SLX4IP: variants seen among roughly 807,000 people sequenced by gnomAD.
SLX4IP encodes the protein protein SLX4IP.
In SLX4IP, 34 loss-of-function variants were observed where a neutral mutation model predicts 32.9. The ratio of observed to expected loss-of-function variants is 1.03; its 90% CI spans 0.79 to 1.38. The LOEUF (loss-of-function observed/expected upper bound fraction) is 1.38, where lower values mean the gene tolerates loss of function less well. SLX4IP is among the 40% of genes most tolerant of loss of function. The probability of loss-of-function intolerance (pLI) is 0.00; values close to 1 mark genes in which losing one functional copy is unlikely to be tolerated. For missense variants in SLX4IP, 444 were observed against 479.0 expected (o/e 0.93, Z 0.68); for synonymous variants, 172 against 171.7 (o/e 1.00, Z -0.01).
At chr20:10,528,456 A>G (rs2065957791) in intron 2 of SLX4IP, among the ~76,000 whole-genome samples, 1 of 152,168 alleles carries the variant, frequency 6.6e-6, no homozygotes, top group Admixed American at 6.5e-5. Context: ...GATACTCATG[A>G]GTAATAACAA....
At chr20:10,551,498 C>T (rs1336892636) in intron 2 of SLX4IP, among the ~76,000 whole-genome samples, 2 of 152,054 alleles carry the variant, frequency 1.3e-5, no homozygotes, top group Non-Finnish European at 2.9e-5. Context: ...CATTTGTCTT[C>T]CTTTCATTAA....
chr20:10,591,438 G>A (rs979615613), intron 4 of SLX4IP, among the ~76,000 whole-genome samples: 11 of 152,160 alleles, frequency 7.2e-5, no homozygotes, highest in African/African-American at 2.7e-4. Flanking sequence ...AGACAGGGAG[G>A]CCACAGAGGA....
intron 1 of SLX4IP, among the ~76,000 whole-genome samples, chr20:10,453,808 C>G (rs2065263446): frequency 1.3e-5 from 2 of 152,034 alleles, no homozygotes; most frequent in African/African-American, 4.8e-5. Context: ...GGGTCAGTCT[C>G]CATACTAATT....
chr20:10,550,434 C>A (rs1368870269), intron 2 of SLX4IP, among the ~76,000 whole-genome samples: 1 of 152,168 alleles, frequency 6.6e-6, no homozygotes, highest in East Asian at 1.9e-4. Context: ...TCCTCTCCCT[C>A]ACACCCAACC....
At position 10,627,423 on chromosome 20, in the gene SLX4IP, T is replaced by C. The variant is rs1308166924; in HGVS notation, c.*4044T>C. The C allele has an allele frequency of 6.6e-6, 1 of 152,246 alleles. No individual in the cohort carries two copies. Among genetic ancestry groups the C allele is most frequent in the African/African-American group, 2.4e-5 (1 of 41,472 alleles). 9.4% of individuals were successfully genotyped at this position (152,246 alleles called of 1,614,324 possible). ...ATTAAGCATTGTAAAACGAAGTTAA[T>C]TCAGGTAATTACTCAGTACAGAAAT... On this transcript the variant is annotated 3_prime_UTR_variant, in exon 8 of 8. Transcript: ENST00000334534.
At chr20:10,621,612 A>C (rs1015746225) in intron 7 of SLX4IP, among the ~76,000 whole-genome samples, 198 bp downstream of exon 7, 1 of 152,156 alleles carries the variant, frequency 6.6e-6, no homozygotes, top group Non-Finnish European at 1.5e-5. Flanking sequence ...GGTGTGTTGC[A>C]AGGAGTAATT....
chr20:10,564,248 T>A (rs2066364776), intron 4 of SLX4IP, among the ~76,000 whole-genome samples: 1 of 152,236 alleles, frequency 6.6e-6, no homozygotes, highest in Non-Finnish European at 1.5e-5. Flanking sequence ...TCTAACTGCC[T>A]GTTTTCAGCT....
chr20:10,531,596 C>T (rs1418123968), intron 2 of SLX4IP, among the ~76,000 whole-genome samples: 2 of 152,194 alleles, frequency 1.3e-5, no homozygotes, highest in East Asian at 1.9e-4. Flanking sequence ...ATGGAGATGG[C>T]ATTTCAGTCA....
chr20:10,533,676 A>G (rs1327522638), intron 2 of SLX4IP, among the ~76,000 whole-genome samples: 6 of 141,020 alleles, frequency 4.3e-5, no homozygotes, highest in Non-Finnish European at 1.5e-5. Flanking sequence ...CTGAAATGCA[A>G]TGGCATGATT....
chr20:10,591,935 G>T (rs989088847), intron 4 of SLX4IP, among the ~76,000 whole-genome samples: 2 of 152,220 alleles, frequency 1.3e-5, no homozygotes, highest in East Asian at 3.9e-4. Context: ...GAAATTTGTG[G>T]CACATGTGCC....
rs141795798 is a variant in SLX4IP, at chr20:10,622,653, T to A, written c.507-6T>A. On this transcript the variant is annotated splice_region_variant and splice_polypyrimidine_tract_variant and intron_variant, in intron 7 of 7. Coordinates refer to ENST00000334534, the MANE Select transcript of SLX4IP (RefSeq NM_001009608.3). Reference sequence around the variant, plus strand: ...CAAACCATAAAATCATTTTTGTTTGTTTCAGTGTGAAAAGAACTGAAACAA... The same window carrying A: ...CAAACCATAAAATCATTTTTGTTTGATTCAGTGTGAAAAGAACTGAAACAA... 3,256 of 1,598,170 alleles carry A rather than the reference T, an allele frequency of 2.0e-3. 5 individuals are homozygous for A. Among genetic ancestry groups the A allele is most frequent in the Non-Finnish European group, 2.6e-3 (2,994 of 1,173,416 alleles).
chr20:10,462,768 T>A (rs2065348451), intron 2 of SLX4IP, among the ~76,000 whole-genome samples: 1 of 152,198 alleles, frequency 6.6e-6, no homozygotes, highest in African/African-American at 2.4e-5. Flanking sequence ...TTACTGTGTA[T>A]TTTGCCTAGA....
chr20:10,451,229 C>T (rs549428479), intron 1 of SLX4IP, among the ~76,000 whole-genome samples: 34 of 152,040 alleles, frequency 2.2e-4, no homozygotes, highest in Non-Finnish European at 4.1e-4. Context: ...AGCGTAATCT[C>T]GGCTCACTGC....
At chr20:10,604,064 A>G (rs545126592) in intron 6 of SLX4IP, among the ~76,000 whole-genome samples, 1 of 152,334 alleles carries the variant, frequency 6.6e-6, no homozygotes, top group South Asian at 2.1e-4. Context: ...CAGTGATGTC[A>G]GGCTCCTGTG....
chr20:10,546,088 G>C (rs1661594132), intron 2 of SLX4IP, among the ~76,000 whole-genome samples: 1 of 152,152 alleles, frequency 6.6e-6, no homozygotes. Context: ...TGTGGGTGCT[G>C]ATATTCCTGT....
chr20:10,465,833 C>G (rs1254369671), intron 2 of SLX4IP, among the ~76,000 whole-genome samples: 1 of 152,202 alleles, frequency 6.6e-6, no homozygotes, highest in Non-Finnish European at 1.5e-5. Context: ...CAGCACATCT[C>G]AATTCCTATT....
intron 4 of SLX4IP, among the ~76,000 whole-genome samples, chr20:10,586,318 G>T (rs912867266): frequency 1.6e-4 from 24 of 152,196 alleles, no homozygotes; most frequent in Non-Finnish European, 5.9e-5. Flanking sequence ...ATGGGCAGGG[G>T]GCTTTCATAG....
intron 6 of SLX4IP, among the ~76,000 whole-genome samples, chr20:10,607,798 T>C (rs2066921644): frequency 6.6e-6 from 1 of 152,246 alleles, no homozygotes; most frequent in South Asian, 2.1e-4. Context: ...GTGAGATCAT[T>C]TTTTAAAAGA....
At chr20:10,453,764 G>A (rs1185323100) in intron 1 of SLX4IP, among the ~76,000 whole-genome samples, 1 of 151,790 alleles carries the variant, frequency 6.6e-6, no homozygotes, top group East Asian at 1.9e-4. Context: ...TATCCCCAAT[G>A]CCTAAAATTT....
Sources: gnomAD v4.1 joint callset for allele counts (sites outside exome capture counted in the v4.1 genomes callset) on GRCh38, gnomAD v4.1.1 for gene constraint, MANE v1.5 for transcripts, NCBI Gene and HGNC (gene_info 2026-07-23, HGNC 2026-07-21) for gene names.